The following AKT3 variants were observed in gnomAD, a reference collection of about 807,000 sequenced individuals.
The protein encoded by AKT3 is AKT serine/threonine kinase 3.
A neutral mutation model predicts 65.3 loss-of-function variants in AKT3; 15 were observed. That is an observed-to-expected ratio of 0.23 (90% CI 0.15 to 0.35). The LOEUF is 0.35. Ranked by LOEUF, AKT3 falls within the 10% of genes least tolerant of loss-of-function variation. The probability of loss-of-function intolerance (pLI) is 1.00; values close to 1 mark genes in which losing one functional copy is unlikely to be tolerated. For missense variants in AKT3, 243 were observed against 576.5 expected (o/e 0.42, Z 5.92); for synonymous variants, 206 against 183.8 (o/e 1.12, Z -0.98).
intron 2 of AKT3, among the ~76,000 whole-genome samples, chr1:243,807,597 A>G (rs1324148348): frequency 1.3e-5 from 2 of 152,166 alleles, no homozygotes; most frequent in East Asian, 3.9e-4. Context: ...TGTAGACTCC[A>G]CCTCTGGGGG....
chr1:243,808,293 A>C (rs1692885716), intron 2 of AKT3: 1 of 152,164 alleles, frequency 6.6e-6, no homozygotes, highest in Non-Finnish European at 1.5e-5. Flanking sequence ...AAAAGATTAG[A>C]TGAATGGCTA....
chr1:243,628,430 C>G (rs886117132), intron 6 of AKT3, among the ~76,000 whole-genome samples: 1 of 152,010 alleles, frequency 6.6e-6, no homozygotes, highest in African/African-American at 2.4e-5. Flanking sequence ...AAATGAGTAG[C>G]TGGTATCACC....
At chr1:243,530,625 G>A (rs1277399671) in intron 12 of AKT3, among the ~76,000 whole-genome samples, 2 of 152,106 alleles carry the variant, frequency 1.3e-5, no homozygotes, top group Admixed American at 1.3e-4. Context: ...AGAGAAACAA[G>A]AGCAAAGCAA....
chr1:243,634,232 G>GT (rs1331979412), intron 6 of AKT3, among the ~76,000 whole-genome samples: 3 of 151,850 alleles, frequency 2.0e-5, no homozygotes, highest in Non-Finnish European at 4.4e-5. Flanking sequence ...CAATACATTG[G>GT]TTTTTTAATT....
chr1:243,676,796 T>C (rs531759609), intron 3 of AKT3, among the ~76,000 whole-genome samples: 29 of 152,292 alleles, frequency 1.9e-4, no homozygotes, highest in Middle Eastern at 3.4e-3. Context: ...CATCCTTTTT[T>C]TGTCCACTGC....
intron 2 of AKT3, among the ~76,000 whole-genome samples, chr1:243,790,569 T>G (rs894891037): frequency 6.6e-6 from 1 of 152,220 alleles, no homozygotes; most frequent in Admixed American, 6.5e-5. Context: ...GCTGTTTCGC[T>G]TTCTTATCAT....
intron 6 of AKT3, among the ~76,000 whole-genome samples, chr1:243,635,228 G>A (rs1384705258): frequency 6.6e-6 from 1 of 151,856 alleles, no homozygotes; most frequent in East Asian, 1.9e-4. Flanking sequence ...GAAATACTTT[G>A]AGATGAATGA....
intron 2 of AKT3, among the ~76,000 whole-genome samples, chr1:243,823,154 C>T (rs1693962068): frequency 2.0e-5 from 3 of 151,816 alleles, no homozygotes; most frequent in African/African-American, 7.3e-5. Context: ...TAATTCATTA[C>T]ATCAACAGAA....
At chr1:243,665,774 G>C (rs1352483072) in intron 3 of AKT3, among the ~76,000 whole-genome samples, 1 of 151,950 alleles carries the variant, frequency 6.6e-6, no homozygotes, top group Non-Finnish European at 1.5e-5. Flanking sequence ...CTATTATTTG[G>C]CATACATCTG....
chr1:243,577,541 TAACTC>T (rs1675029903), intron 8 of AKT3, among the ~76,000 whole-genome samples: 1 of 152,082 alleles, frequency 6.6e-6, no homozygotes, highest in African/African-American at 2.4e-5. Context: ...ATACAAAAAT[TAACTC>T]AAGATTGATT....
intron 1 of AKT3, 27 bp downstream of exon 1, chr1:243,850,013 G>A (rs887432705): frequency 6.2e-5 from 61 of 984,564 alleles, no homozygotes; most frequent in East Asian, 1.1e-4. Context: ...CGGGGAGGGG[G>A]CTAGAGTTGG....
intron 2 of AKT3, chr1:243,735,129 AAAT>A (rs1170388370): frequency 6.6e-6 from 1 of 152,212 alleles, no homozygotes; most frequent in African/African-American, 2.4e-5. Context: ...TTAAAAAAGA[AAAT>A]AAAGCAGAGA....
chr1:243,682,546 T>C (rs1283487527), intron 3 of AKT3, among the ~76,000 whole-genome samples: 15 of 152,170 alleles, frequency 9.9e-5, no homozygotes. Flanking sequence ...TGCCTAACTG[T>C]GGCCCTGAGA....
At chr1:243,760,316 A>G (rs1689411576) in intron 2 of AKT3, among the ~76,000 whole-genome samples, 1 of 107,364 alleles carries the variant, frequency 9.3e-6, no homozygotes, top group Admixed American at 1.4e-4. Flanking sequence ...TCATGGAGAC[A>G]GGATATTGCT....
At chr1:243,818,556 A>C (rs569324417) in intron 2 of AKT3, among the ~76,000 whole-genome samples, 1 of 152,208 alleles carries the variant, frequency 6.6e-6, no homozygotes. Flanking sequence ...CTAAGAAAAA[A>C]TGGCTTGGTG....
intron 2 of AKT3, among the ~76,000 whole-genome samples, chr1:243,819,459 C>T (rs745903610): frequency 2.0e-5 from 3 of 152,230 alleles, no homozygotes; most frequent in Non-Finnish European, 4.4e-5. Flanking sequence ...ATTTTAGCAA[C>T]TCCAGCAGGG....
chr1:243,709,089 A>G (rs1002742930), intron 2 of AKT3, among the ~76,000 whole-genome samples: 1 of 152,006 alleles, frequency 6.6e-6, no homozygotes, highest in Non-Finnish European at 1.5e-5. Context: ...TTCACTTATC[A>G]AAGTTTTTTT....
chr1:243,739,237 A>G (rs1276769110), intron 2 of AKT3, among the ~76,000 whole-genome samples: 1 of 152,234 alleles, frequency 6.6e-6, no homozygotes, highest in African/African-American at 2.4e-5. Flanking sequence ...ACTGAATAAT[A>G]TATTTAACCA....
intron 2 of AKT3, among the ~76,000 whole-genome samples, chr1:243,761,789 T>C (rs1458992071): frequency 1.3e-5 from 2 of 152,196 alleles, no homozygotes; most frequent in Non-Finnish European, 2.9e-5. Flanking sequence ...TTAATGATGT[T>C]AAATTTTTTA....
Sources: allele counts gnomAD v4.1 joint callset (sites outside exome capture counted in the v4.1 genomes callset), GRCh38; gene constraint gnomAD v4.1.1; transcripts MANE v1.5; gene names NCBI Gene and HGNC (gene_info 2026-07-23, HGNC 2026-07-21).